Variants in SCML4 observed in about 807,000 individuals in gnomAD.
The protein encoded by SCML4 is Scm polycomb group protein like 4, also known as sex comb on midleg-like protein 4.
Under a neutral mutation model 41.1 loss-of-function variants are expected in SCML4, and 34 were observed. The observed-to-expected ratio is 0.83, with a 90% confidence interval of 0.63 to 1.10. The LOEUF (loss-of-function observed/expected upper bound fraction) is 1.10, where lower values mean the gene tolerates loss of function less well. Among genes scored for constraint, SCML4 ranks in the 50% least tolerant of loss-of-function variants. The probability of loss-of-function intolerance (pLI) is 0.00; values close to 1 mark genes in which losing one functional copy is unlikely to be tolerated. For synonymous variants in SCML4, 214 were observed against 220.9 expected (o/e 0.97, Z 0.28); for missense variants, 522 against 534.1 (o/e 0.98, Z 0.22).
At chr6:107,773,589 CAAAAAAAAAAAA>C (rs5878938) in intron 1 of SCML4, among the ~76,000 whole-genome samples, 3 of 76,946 alleles carry the variant, frequency 3.9e-5, no homozygotes, top group East Asian at 8.4e-4. Context: ...AAGACTGTCT[CAAAAAAAAAAAA>C]AAAAAAAAAA....
chr6:107,774,124 A>G (rs72933176), intron 1 of SCML4, among the ~76,000 whole-genome samples: 1,802 of 152,324 alleles, frequency 0.012, 48 homozygotes, highest in East Asian at 0.11. Context: ...GCACTGTTAA[A>G]CAGAAAACAA....
chr6:107,772,031 A>G (rs1418450687), intron 2 of SCML4, 141 bp downstream of exon 2: 4 of 666,946 alleles, frequency 6.0e-6, no homozygotes, highest in South Asian at 5.1e-5. Context: ...CATCCGTCAC[A>G]TACTTCACCG....
intron 1 of SCML4, among the ~76,000 whole-genome samples, chr6:107,783,705 T>C (rs1386302936): frequency 6.6e-6 from 1 of 150,546 alleles, no homozygotes; most frequent in East Asian, 2.0e-4. Context: ...TGATGGCAGG[T>C]GCTGGTCTGA....
At chr6:107,722,494 C>T (rs900960969) in intron 5 of SCML4, among the ~76,000 whole-genome samples, 1 of 151,870 alleles carries the variant, frequency 6.6e-6, no homozygotes, top group Admixed American at 6.6e-5. Context: ...TAGACACCAT[C>T]AAAACAGATC....
Position 107,793,082 on chromosome 6 carries a change from G to A in SCML4, c.-59-20696C>T, listed in dbSNP as rs186373629. Among the ~76,000 whole-genome samples the A allele has an allele frequency of 2.7e-3, 418 of 152,242 alleles. 3 individuals are homozygous for A. The highest frequency in any genetic ancestry group is 9.6e-3 in the African/African-American group (397 of 41,530). ...GAAGGGAGTTAGCTTGGACAGAGAC[G>A]GCTGATTCCATGTGGCAGCACAAGG... On this transcript the variant is annotated intron_variant, in intron 1 of 7. Coordinates refer to ENST00000369020, the MANE Select transcript of SCML4 (RefSeq NM_198081.5).
chr6:107,738,230 A>G (rs1046874342), intron 5 of SCML4, among the ~76,000 whole-genome samples: 1 of 152,244 alleles, frequency 6.6e-6, no homozygotes, highest in African/African-American at 2.4e-5. Context: ...TTCAGATGTC[A>G]GCTAATAGAA....
At chr6:107,742,788 G>A (rs1305624527) in intron 5 of SCML4, among the ~76,000 whole-genome samples, 1 of 149,966 alleles carries the variant, frequency 6.7e-6, no homozygotes, top group Non-Finnish European at 1.5e-5. Flanking sequence ...CATCTTACAA[G>A]AAATGCTAAA....
intron 1 of SCML4, among the ~76,000 whole-genome samples, chr6:107,797,488 T>C (rs550492380): frequency 6.6e-6 from 1 of 152,216 alleles, no homozygotes; most frequent in Non-Finnish European, 1.5e-5. Flanking sequence ...ATACGACTAG[T>C]AAACTACTTC....
chr6:107,803,792 G>A (rs2114641675), intron 1 of SCML4, among the ~76,000 whole-genome samples: 1 of 151,118 alleles, frequency 6.6e-6, no homozygotes, highest in East Asian at 1.9e-4. Flanking sequence ...TGTCCACTCA[G>A]GGTTGAATGG....
At chr6:107,717,281 A>G (rs1412445020) in intron 6 of SCML4, among the ~76,000 whole-genome samples, 1 of 130,658 alleles carries the variant, frequency 7.7e-6, no homozygotes, top group African/African-American at 2.8e-5. Flanking sequence ...ACAGAGCGAG[A>G]CTCTGTCTCA....
intron 2 of SCML4, among the ~76,000 whole-genome samples, chr6:107,770,648 G>A (rs1438949473): frequency 6.6e-6 from 1 of 152,204 alleles, no homozygotes; most frequent in African/African-American, 2.4e-5. Flanking sequence ...CCTGACCTGA[G>A]TTGTCTCTGA....
chr6:107,839,887 C>G, the SCML4 span, among the ~76,000 whole-genome samples: 4 of 152,138 alleles, frequency 2.6e-5, no homozygotes, highest in East Asian at 7.7e-4. Context: ...CCATCACACC[C>G]ATCCAATATG....
chr6:107,765,322 C>T lies in SCML4; in HGVS notation c.156+6850G>A, dbSNP rs1779945819. On this transcript the variant is annotated intron_variant, in intron 2 of 7. Coordinates refer to ENST00000369020, the MANE Select transcript of SCML4 (RefSeq NM_198081.5). ...CAGGCATCCTGAGCTCAGCAGAACT[C>T]TGATCCCCCAGGGGCTGGAGCCGGC... Among the ~76,000 whole-genome samples, 3 of 152,192 alleles carry T rather than the reference C, an allele frequency of 2.0e-5. No homozygotes were observed. In the South Asian group the frequency reaches 6.2e-4, roughly 31 times the overall value.
At chr6:107,831,744 C>T in the SCML4 span, among the ~76,000 whole-genome samples, 2 of 152,144 alleles carry the variant, frequency 1.3e-5, no homozygotes, top group African/African-American at 4.8e-5. Context: ...AGTGGCAAAA[C>T]CCATCTCTAC....
intron 2 of SCML4, among the ~76,000 whole-genome samples, chr6:107,766,568 C>G (rs898966043): frequency 6.6e-6 from 1 of 152,204 alleles, no homozygotes; most frequent in Non-Finnish European, 1.5e-5. Flanking sequence ...TCATTGTTTA[C>G]GCTCATTTTA....
chr6:107,755,513 C>T (rs1779029937), intron 2 of SCML4: 4 of 807,038 alleles, frequency 5.0e-6, no homozygotes. Context: ...CGGATATGAG[C>T]CCACTGGCTA....
At chr6:107,764,871 C>A (rs1441105795) in intron 2 of SCML4, among the ~76,000 whole-genome samples, 4 of 152,090 alleles carry the variant, frequency 2.6e-5, no homozygotes, top group Admixed American at 6.5e-5. Context: ...CAACGGGAAA[C>A]CCCTTTCGCT....
the SCML4 span, among the ~76,000 whole-genome samples, chr6:107,833,871 A>G: frequency 3.9e-5 from 6 of 152,328 alleles, no homozygotes; most frequent in African/African-American, 1.4e-4. Context: ...GTTGTGCTTC[A>G]GCTCCTTATG....
At chr6:107,845,391 G>A in the SCML4 span, among the ~76,000 whole-genome samples, 3 of 152,208 alleles carry the variant, frequency 2.0e-5, no homozygotes, top group Non-Finnish European at 4.4e-5. Context: ...GAGACGCTCC[G>A]GGGCCCGGCA....
Sources: gnomAD v4.1 joint callset for allele counts (sites outside exome capture counted in the v4.1 genomes callset) on GRCh38, gnomAD v4.1.1 for gene constraint, MANE v1.5 for transcripts, NCBI Gene and HGNC (gene_info 2026-07-23, HGNC 2026-07-21) for gene names.